The following FOXP1 variants were observed in gnomAD, a reference collection of about 807,000 sequenced individuals.
FOXP1 encodes the protein forkhead box P1, also known as forkhead box protein P1.
In FOXP1, 15 loss-of-function variants were observed where a neutral mutation model predicts 98.2. That is an observed-to-expected ratio of 0.15 (90% CI 0.10 to 0.24). The LOEUF (loss-of-function observed/expected upper bound fraction) is 0.24. Ranked by LOEUF, FOXP1 falls within the 10% of genes least tolerant of loss-of-function variation. The pLI, the probability that FOXP1 is intolerant of heterozygous loss-of-function variation, is 1.00. For missense variants in FOXP1, 633 were observed against 848.5 expected (o/e 0.75, Z 3.15); for synonymous variants, 371 against 314.5 (o/e 1.18, Z -1.90).
At chr3:71,434,708 TGTAGA>T (rs1379055094) in intron 3 of FOXP1, among the ~76,000 whole-genome samples, 1 of 150,404 alleles carries the variant, frequency 6.6e-6, no homozygotes, top group South Asian at 2.1e-4. Flanking sequence ...ACTTAAATGG[TGTAGA>T]GTAGAGTTCT....
At chr3:71,092,985 G>A (rs1017246534) in intron 7 of FOXP1, among the ~76,000 whole-genome samples, 40 of 152,308 alleles carry the variant, frequency 2.6e-4, no homozygotes, top group Non-Finnish European at 4.4e-4. Flanking sequence ...AAAAGCTCAG[G>A]CGTGGTGGCT....
chr3:71,172,883 G>A (rs1377319737), intron 6 of FOXP1, among the ~76,000 whole-genome samples: 2 of 152,164 alleles, frequency 1.3e-5, no homozygotes, highest in Non-Finnish European at 2.9e-5. Context: ...CTCAAACTGA[G>A]TCTGATTTCT....
chr3:71,289,736 T>A (rs2072549098), intron 5 of FOXP1: 1 of 151,916 alleles, frequency 6.6e-6, no homozygotes, highest in Non-Finnish European at 1.5e-5. Flanking sequence ...GGCCCCAAGC[T>A]CCTGGGCTTG....
At chr3:71,176,717 C>T (rs2061956833) in intron 6 of FOXP1, among the ~76,000 whole-genome samples, 1 of 139,232 alleles carries the variant, frequency 7.2e-6, no homozygotes, top group East Asian at 2.1e-4. Flanking sequence ...CTACTCCAGC[C>T]AGGGCAACAG....
At chr3:71,260,535 T>TA (rs1280412930) in intron 5 of FOXP1, among the ~76,000 whole-genome samples, 1 of 117,624 alleles carries the variant, frequency 8.5e-6, no homozygotes, top group Non-Finnish European at 1.8e-5. Context: ...CAATTTCCTT[T>TA]AATTTTTTTT....
At chr3:71,216,641 A>C (rs1310736724) in intron 5 of FOXP1, among the ~76,000 whole-genome samples, 3 of 152,142 alleles carry the variant, frequency 2.0e-5, no homozygotes. Flanking sequence ...GCAGACAAAA[A>C]TGGGTGGTTT....
At chr3:71,508,726 A>G (rs1424965160) in intron 2 of FOXP1, among the ~76,000 whole-genome samples, 1 of 152,176 alleles carries the variant, frequency 6.6e-6, no homozygotes, top group Non-Finnish European at 1.5e-5. Flanking sequence ...AATAGATCCT[A>G]CAACCACCCC....
At chr3:71,206,645 C>T (rs1351077904) in intron 5 of FOXP1, among the ~76,000 whole-genome samples, 1 of 152,212 alleles carries the variant, frequency 6.6e-6, no homozygotes, top group Non-Finnish European at 1.5e-5. Flanking sequence ...CATTCCAATG[C>T]CAAGGCAGTA....
chr3:71,464,684 G>C (rs973376604), intron 3 of FOXP1, among the ~76,000 whole-genome samples: 1 of 152,180 alleles, frequency 6.6e-6, no homozygotes, highest in African/African-American at 2.4e-5. Flanking sequence ...TCACCCCCAA[G>C]GTGAGGGGAT....
chr3:71,471,187 T>G (rs2089306661), intron 3 of FOXP1, among the ~76,000 whole-genome samples: 1 of 152,054 alleles, frequency 6.6e-6, no homozygotes, highest in Admixed American at 6.6e-5. Context: ...CTTATGAGGT[T>G]TACACCCCAA....
intron 20 of FOXP1, among the ~76,000 whole-genome samples, chr3:70,961,630 A>AT (rs140091662): frequency 0.012 from 1,748 of 147,200 alleles, 31 homozygotes; most frequent in African/African-American, 0.038. Flanking sequence ...ACGGATGGGG[A>AT]TTTTTTTTTT....
chr3:71,538,842 G>A (rs756038949), intron 2 of FOXP1, among the ~76,000 whole-genome samples: 1 of 152,088 alleles, frequency 6.6e-6, no homozygotes, highest in South Asian at 2.1e-4. Context: ...TCGGGTCTTC[G>A]ATGTGTATGT....
chr3:70,985,345 A>T (rs1410989009), intron 14 of FOXP1, among the ~76,000 whole-genome samples: 1 of 152,162 alleles, frequency 6.6e-6, no homozygotes, highest in East Asian at 1.9e-4. Context: ...GGGCCCTTAA[A>T]GTTGAAAGCA....
chr3:71,209,903 T>C (rs1469522676), intron 5 of FOXP1, among the ~76,000 whole-genome samples: 2 of 152,202 alleles, frequency 1.3e-5, no homozygotes, highest in African/African-American at 2.4e-5. Context: ...CAAAACATAC[T>C]GAAAAACAGT....
At chr3:71,383,939 C>T (rs1027417539) in intron 3 of FOXP1, among the ~76,000 whole-genome samples, 3 of 152,116 alleles carry the variant, frequency 2.0e-5, no homozygotes, top group Admixed American at 6.5e-5. Context: ...ACAAGGCTGG[C>T]GGGCGCGGTG....
At chr3:71,072,241 C>A (rs2053334585) in intron 7 of FOXP1, among the ~76,000 whole-genome samples, 2 of 152,148 alleles carry the variant, frequency 1.3e-5, no homozygotes, top group African/African-American at 4.8e-5. Context: ...ATCGCTTGAG[C>A]CCTGGAGGTT....
chr3:71,260,191 G>A (rs1443320444), intron 5 of FOXP1, among the ~76,000 whole-genome samples: 1 of 152,142 alleles, frequency 6.6e-6, no homozygotes, highest in East Asian at 1.9e-4. Context: ...CACCGTGTTA[G>A]CCAGGATGGT....
chr3:71,581,986 G>A (rs2048211772), intron 1 of FOXP1: 1 of 950,304 alleles, frequency 1.1e-6, no homozygotes. Context: ...GGAGAAGGGG[G>A]TGGGATGGGG....
At chr3:71,184,957 C>T (rs2062559012) in intron 6 of FOXP1, among the ~76,000 whole-genome samples, 1 of 152,054 alleles carries the variant, frequency 6.6e-6, no homozygotes, top group African/African-American at 2.4e-5. Context: ...CTTTGGGAGG[C>T]CAAGGCAGGC....
Sources: allele counts gnomAD v4.1 joint callset (sites outside exome capture counted in the v4.1 genomes callset), GRCh38; gene constraint gnomAD v4.1.1; transcripts MANE v1.5; gene names NCBI Gene and HGNC (gene_info 2026-07-23, HGNC 2026-07-21).